Variants in GALNTL6 observed in about 807,000 individuals in gnomAD.
GALNTL6 encodes polypeptide N-acetylgalactosaminyltransferase like 6.
In GALNTL6, 46 loss-of-function variants were observed where a neutral mutation model predicts 73.7. That is an observed-to-expected ratio of 0.62 (90% CI 0.49 to 0.80). The LOEUF (loss-of-function observed/expected upper bound fraction) is 0.80, where lower values mean the gene tolerates loss of function less well. GALNTL6 is among the 30% of genes least tolerant of loss of function. GALNTL6 has a pLI of 0.00. For missense variants in GALNTL6, 604 were observed against 755.0 expected (o/e 0.80, Z 2.34); for synonymous variants, 259 against 263.7 (o/e 0.98, Z 0.17).
intron 2 of GALNTL6, among the ~76,000 whole-genome samples, chr4:171,834,734 C>A (rs13105500): frequency 0.39 from 59,228 of 151,564 alleles, 13,786 homozygotes; most frequent in East Asian, 0.62. Context: ...ATGAAAAGTG[C>A]TCTTTTCTAT....
intron 5 of GALNTL6, among the ~76,000 whole-genome samples, chr4:172,438,476 C>T (rs189399378): frequency 1.8e-4 from 28 of 152,054 alleles, no homozygotes; most frequent in African/African-American, 6.7e-4. Context: ...CAATCATGTC[C>T]CCACTCCCAT....
At chr4:172,168,760 G>A (rs1190068068) in intron 2 of GALNTL6, among the ~76,000 whole-genome samples, 1 of 152,096 alleles carries the variant, frequency 6.6e-6, no homozygotes, top group Non-Finnish European at 1.5e-5. Flanking sequence ...CTTTTACCTT[G>A]TCAATTACAG....
At chr4:172,347,609 A>G (rs1004463735) in intron 4 of GALNTL6, among the ~76,000 whole-genome samples, 3 of 152,190 alleles carry the variant, frequency 2.0e-5, no homozygotes, top group Non-Finnish European at 4.4e-5. Context: ...CAAAACATCT[A>G]TCTTACTACA....
At chr4:172,747,953 G>C (rs939877537) in intron 5 of GALNTL6, among the ~76,000 whole-genome samples, 1 of 151,274 alleles carries the variant, frequency 6.6e-6, no homozygotes, top group African/African-American at 2.4e-5. Context: ...CACTATATAA[G>C]CTCACTGACA....
intron 2 of GALNTL6, among the ~76,000 whole-genome samples, chr4:171,902,131 G>A (rs1737118471): frequency 6.6e-6 from 1 of 152,168 alleles, no homozygotes; most frequent in South Asian, 2.1e-4. Flanking sequence ...GCTCAAGCCT[G>A]ACAGCTCTTG....
At chr4:172,296,151 A>G (rs556536854) in intron 3 of GALNTL6, among the ~76,000 whole-genome samples, 2 of 152,122 alleles carry the variant, frequency 1.3e-5, no homozygotes, top group South Asian at 2.1e-4. Flanking sequence ...ATTCCCTTCT[A>G]TTCCTAGCTT....
At chr4:172,908,689 C>T (rs1747033451) in intron 8 of GALNTL6, among the ~76,000 whole-genome samples, 1 of 149,212 alleles carries the variant, frequency 6.7e-6, no homozygotes, top group African/African-American at 2.5e-5. Flanking sequence ...AAAAAGAAAC[C>T]ACCCAAAGGA....
chr4:171,815,582 CA>C (rs1200794030), intron 2 of GALNTL6: 5 of 152,194 alleles, frequency 3.3e-5, no homozygotes, highest in African/African-American at 7.2e-5. Flanking sequence ...AAACGTTTAA[CA>C]ACAGAATGCA....
intron 5 of GALNTL6, among the ~76,000 whole-genome samples, chr4:172,799,892 AAAC>A (rs1740519808): frequency 6.6e-6 from 1 of 152,196 alleles, no homozygotes; most frequent in African/African-American, 2.4e-5. Flanking sequence ...ATGAATGGAT[AAAC>A]AACACGTGGT....
intron 5 of GALNTL6, among the ~76,000 whole-genome samples, chr4:172,590,655 G>A (rs756221438): frequency 1.3e-5 from 2 of 152,050 alleles, no homozygotes; most frequent in African/African-American, 4.8e-5. Flanking sequence ...GAATGTAGGC[G>A]GTTAAGTTTT....
chr4:171,853,216 T>G (rs1735574420), intron 2 of GALNTL6, among the ~76,000 whole-genome samples: 1 of 151,850 alleles, frequency 6.6e-6, no homozygotes, highest in African/African-American at 2.4e-5. Flanking sequence ...TACCTTTTCT[T>G]TCAAAAATAT....
At chr4:172,711,240 A>G (rs1440109649) in intron 5 of GALNTL6, among the ~76,000 whole-genome samples, 2 of 152,148 alleles carry the variant, frequency 1.3e-5, no homozygotes, top group East Asian at 3.8e-4. Context: ...GTGGTCTGGG[A>G]AAAGCATTCC....
intron 2 of GALNTL6, among the ~76,000 whole-genome samples, chr4:171,967,458 T>TTTGTTTTTTTG (rs1456171869): frequency 4.7e-5 from 7 of 150,444 alleles, no homozygotes; most frequent in African/African-American, 1.7e-4. Context: ...TTTTTTTTTT[T>TTTGTTTTTTTG]TTTTTTTGTA....
intron 7 of GALNTL6, among the ~76,000 whole-genome samples, chr4:172,875,818 G>A (rs1745167778): frequency 6.6e-6 from 1 of 151,372 alleles, no homozygotes; most frequent in African/African-American, 2.4e-5. Flanking sequence ...GAGGGACAAA[G>A]CATCTTGGTC....
At chr4:172,901,237 T>C (rs1257895166) in intron 8 of GALNTL6, among the ~76,000 whole-genome samples, 1 of 152,174 alleles carries the variant, frequency 6.6e-6, no homozygotes, top group African/African-American at 2.4e-5. Flanking sequence ...TCCCTCCCTG[T>C]TAGTATTTGT....
intron 2 of GALNTL6, among the ~76,000 whole-genome samples, chr4:172,093,898 T>C (rs908033261): frequency 1.3e-5 from 2 of 152,174 alleles, no homozygotes; most frequent in Non-Finnish European, 2.9e-5. Context: ...TGATTCTGCA[T>C]TATGGTGAGT....
intron 8 of GALNTL6, among the ~76,000 whole-genome samples, chr4:172,909,760 C>T (rs1286435555): frequency 2.0e-5 from 3 of 151,964 alleles, no homozygotes; most frequent in East Asian, 3.8e-4. Context: ...TGTGTTGGCT[C>T]AACAATTTTA....
chr4:172,405,714 C>A (rs1216548373), intron 5 of GALNTL6, among the ~76,000 whole-genome samples: 1 of 151,658 alleles, frequency 6.6e-6, no homozygotes, highest in Non-Finnish European at 1.5e-5. Context: ...ATTTCCCTAC[C>A]TTCACCTTCA....
chr4:172,298,381 C>T (rs188575654), intron 3 of GALNTL6, among the ~76,000 whole-genome samples: 2 of 152,250 alleles, frequency 1.3e-5, no homozygotes, highest in Admixed American at 1.3e-4. Flanking sequence ...CCAGAACTTC[C>T]AACACTATGG....
Sources: gnomAD v4.1 joint callset for allele counts (sites outside exome capture counted in the v4.1 genomes callset) on GRCh38, gnomAD v4.1.1 for gene constraint, MANE v1.5 for transcripts, NCBI Gene and HGNC (gene_info 2026-07-23, HGNC 2026-07-21) for gene names.